Variants in NCKAP5 observed in about 807,000 individuals in gnomAD.
NCKAP5 encodes the protein NCK associated protein 5.
In NCKAP5, 92 loss-of-function variants were observed where a neutral mutation model predicts 167.0. That is an observed-to-expected ratio of 0.55 (90% CI 0.47 to 0.66). The LOEUF (loss-of-function observed/expected upper bound fraction) is 0.66, where lower values mean the gene tolerates loss of function less well. NCKAP5 is among the 30% of genes least tolerant of loss of function. The pLI is 0.00. For missense variants in NCKAP5, 2,378 were observed against 2,315.0 expected (o/e 1.03, Z -0.56); for synonymous variants, 891 against 877.4 (o/e 1.02, Z -0.27).
intron 6 of NCKAP5, among the ~76,000 whole-genome samples, chr2:133,077,882 A>G (rs1480438006): frequency 1.3e-5 from 2 of 152,198 alleles, no homozygotes; most frequent in African/African-American, 2.4e-5. Context: ...AGATCTCCTG[A>G]CTTTCAGGGA....
intron 2 of NCKAP5, among the ~76,000 whole-genome samples, chr2:133,550,889 C>T (rs1687235070): frequency 6.7e-6 from 1 of 149,396 alleles, no homozygotes. Context: ...TGATAAGCAA[C>T]TTCAGCAAAG....
intron 3 of NCKAP5, among the ~76,000 whole-genome samples, chr2:133,319,009 T>C (rs1328299088): frequency 6.6e-6 from 1 of 152,122 alleles, no homozygotes; most frequent in East Asian, 1.9e-4. Context: ...CACTGAACTC[T>C]GGGGGTGGAG....
At chr2:133,285,239 G>A (rs2090065962) in intron 4 of NCKAP5, among the ~76,000 whole-genome samples, 1 of 152,188 alleles carries the variant, frequency 6.6e-6, no homozygotes, top group African/African-American at 2.4e-5. Context: ...CCAATGTCTA[G>A]CAAGCATTTG....
rs183906093 is a variant in NCKAP5 at position 133,145,119 on chromosome 2, A to G, written c.208-15008T>C. 8.7e-4 allele frequency among the ~76,000 whole-genome samples: 133 copies of G among 152,160 alleles called. 1 individual carries two copies. The highest frequency in any genetic ancestry group is 2.8e-3 in the African/African-American group (118 of 41,530). On this transcript the variant is annotated intron_variant, in intron 5 of 19. Transcript: ENST00000409261. ...TCTCAGATGCTGAAATAAAATTTTA[A>G]TTTTATTATTTAAATACATTTAATT...
chr2:133,587,848 C>G, the NCKAP5 span, among the ~76,000 whole-genome samples: 1 of 152,174 alleles, frequency 6.6e-6, no homozygotes. Context: ...ATTCACAGGA[C>G]AGCACGCAAA....
chr2:133,518,782 T>C (rs1684241501), intron 2 of NCKAP5, among the ~76,000 whole-genome samples: 1 of 152,190 alleles, frequency 6.6e-6, no homozygotes, highest in African/African-American at 2.4e-5. Flanking sequence ...ATGATTTGGA[T>C]GCCATAAATT....
chr2:133,052,966 C>T (rs775611809), intron 6 of NCKAP5, among the ~76,000 whole-genome samples: 1 of 151,992 alleles, frequency 6.6e-6, no homozygotes, highest in Non-Finnish European at 1.5e-5. Flanking sequence ...TAAAAAAATA[C>T]TCCTAATGTT....
intron 2 of NCKAP5, among the ~76,000 whole-genome samples, chr2:133,543,535 T>C (rs1686402235): frequency 2.0e-5 from 3 of 152,196 alleles, no homozygotes; most frequent in Non-Finnish European, 4.4e-5. Flanking sequence ...TCCAATAGTA[T>C]TATTTCAGTC....
chr2:132,711,228 G>T (rs1688813829), intron 19 of NCKAP5, among the ~76,000 whole-genome samples: 1 of 152,182 alleles, frequency 6.6e-6, no homozygotes, highest in Admixed American at 6.5e-5. Flanking sequence ...CTCTCCAAAA[G>T]CTTTCCATTA....
chr2:132,902,123 A>C (rs1357823695), intron 8 of NCKAP5, among the ~76,000 whole-genome samples: 1 of 152,232 alleles, frequency 6.6e-6, no homozygotes, highest in African/African-American at 2.4e-5. Flanking sequence ...ATTTTACAGC[A>C]CCAAAGTAAA....
chr2:133,004,305 A>G (rs1029684725), intron 6 of NCKAP5, among the ~76,000 whole-genome samples: 1 of 152,230 alleles, frequency 6.6e-6, no homozygotes, highest in African/African-American at 2.4e-5. Flanking sequence ...TTTTAAATTA[A>G]TGTAATAATT....
Position 132,866,560 on chromosome 2 carries a change from AT to A in NCKAP5, c.687+2375del, listed in dbSNP as rs1313592424. Among the ~76,000 whole-genome samples, 7 of 150,844 alleles carry A rather than the reference AT, an allele frequency of 4.6e-5. No individual in the cohort carries two copies. In the South Asian group the frequency reaches 6.3e-4, roughly 14 times the overall value. ...AGAAACTGCTAAGTTCATGGAAATA[AT>A]TTTTTTTTTCTATCAGTATCAGTAG... On this transcript the variant is annotated intron_variant, in intron 10 of 19. Transcript: ENST00000409261.
At chr2:133,496,514 A>G (rs940406263) in intron 3 of NCKAP5, among the ~76,000 whole-genome samples, 2 of 152,216 alleles carry the variant, frequency 1.3e-5, no homozygotes, top group Non-Finnish European at 1.5e-5. Context: ...CCAACCACAT[A>G]GCAACTACTA....
chr2:132,903,581 C>G (rs1693786737), intron 8 of NCKAP5, among the ~76,000 whole-genome samples: 1 of 152,180 alleles, frequency 6.6e-6, no homozygotes, highest in African/African-American at 2.4e-5. Flanking sequence ...ATGTTTATCT[C>G]AATTTATCCT....
intron 6 of NCKAP5, 106 bp downstream of exon 6, chr2:133,129,872 T>G (rs2082537310): frequency 9.4e-6 from 12 of 1,272,702 alleles, no homozygotes; most frequent in African/African-American, 1.5e-5. Flanking sequence ...GTAAATTAGC[T>G]CATCAAACAC....
chr2:133,602,399 T>C, the NCKAP5 span, among the ~76,000 whole-genome samples: 1 of 152,108 alleles, frequency 6.6e-6, no homozygotes, highest in Non-Finnish European at 1.5e-5. Flanking sequence ...GCTGGGGAGC[T>C]GAGGCTGTAG....
chr2:133,140,023 C>T (rs1057070900), intron 5 of NCKAP5, among the ~76,000 whole-genome samples: 1 of 152,150 alleles, frequency 6.6e-6, no homozygotes, highest in Non-Finnish European at 1.5e-5. Flanking sequence ...TAGAAAAGAG[C>T]TTTATTTACT....
chr2:133,429,749 T>C (rs893656308), intron 3 of NCKAP5, among the ~76,000 whole-genome samples: 1 of 152,276 alleles, frequency 6.6e-6, no homozygotes, highest in Admixed American at 6.5e-5. Flanking sequence ...ATGTCTTAGC[T>C]ACTGTGAATA....
intron 6 of NCKAP5, among the ~76,000 whole-genome samples, chr2:133,044,245 C>T (rs1004676642): frequency 1.3e-5 from 2 of 152,042 alleles, no homozygotes; most frequent in Non-Finnish European, 2.9e-5. Context: ...CTGATAAACA[C>T]AACTGCATTA....
Sources: allele counts gnomAD v4.1 joint callset (sites outside exome capture counted in the v4.1 genomes callset), GRCh38; gene constraint gnomAD v4.1.1; transcripts MANE v1.5; gene names NCBI Gene and HGNC (gene_info 2026-07-23, HGNC 2026-07-21).